NDUFA9: variants seen among roughly 807,000 people sequenced by gnomAD.
NDUFA9 encodes the protein NADH dehydrogenase [ubiquinone] 1 alpha subcomplex subunit 9, mitochondrial.
Under a neutral mutation model 45.9 loss-of-function variants are expected in NDUFA9, and 23 were observed. The observed-to-expected ratio is 0.50, with a 90% CI of 0.36 to 0.71. The LOEUF (loss-of-function observed/expected upper bound fraction) is 0.71, where lower values mean the gene tolerates loss of function less well. NDUFA9 is among the 30% of genes least tolerant of loss of function. NDUFA9 has a pLI of 0.00. For synonymous variants in NDUFA9, 176 were observed against 170.5 expected, an observed-to-expected ratio of 1.03 and a Z score of -0.25; for missense variants, 466 against 488.2, an observed-to-expected ratio of 0.95 and a Z score of 0.43.
intron 8 of NDUFA9, among the ~76,000 whole-genome samples, chr12:4,675,309 C>T (rs1303064175): frequency 6.6e-6 from 1 of 151,980 alleles, no homozygotes; most frequent in Non-Finnish European, 1.5e-5. Flanking sequence ...CAAGAAATAG[C>T]TAAGATCAGA....
At chr12:4,673,103 AC>A (rs1945897442) in intron 8 of NDUFA9, among the ~76,000 whole-genome samples, 2 of 152,158 alleles carry the variant, frequency 1.3e-5, no homozygotes, top group South Asian at 4.1e-4. Context: ...TCTGGTGTGG[AC>A]CTCCAGCAGA....
intron 5 of NDUFA9, among the ~76,000 whole-genome samples, chr12:4,660,602 G>A (rs936945045): frequency 1.3e-5 from 2 of 152,132 alleles, no homozygotes; most frequent in African/African-American, 2.4e-5. Flanking sequence ...TAATCTGGTA[G>A]AGAAGGAGGC....
intron 8 of NDUFA9, among the ~76,000 whole-genome samples, chr12:4,675,841 G>A (rs1945916439): frequency 6.6e-6 from 1 of 152,088 alleles, no homozygotes; most frequent in Non-Finnish European, 1.5e-5. Flanking sequence ...ACCAAAACCT[G>A]GCAGAGACAG....
chr12:4,677,435 G>T (rs1201755252), intron 8 of NDUFA9, among the ~76,000 whole-genome samples: 1 of 152,116 alleles, frequency 6.6e-6, no homozygotes, highest in East Asian at 1.9e-4. Flanking sequence ...AATCTACAAA[G>T]AACTTAAACA....
At chr12:4,651,519 A>G (rs369643340) in intron 1 of NDUFA9, among the ~76,000 whole-genome samples, 29 of 152,226 alleles carry the variant, frequency 1.9e-4, no homozygotes, top group Middle Eastern at 3.4e-3. Context: ...AAAAAAAAAC[A>G]ATAGCCATGT....
At chr12:4,668,111 A>C (rs936679440) in intron 6 of NDUFA9, among the ~76,000 whole-genome samples, 1 of 152,190 alleles carries the variant, frequency 6.6e-6, no homozygotes, top group Non-Finnish European at 1.5e-5. Flanking sequence ...TCAACAGATG[A>C]GTATCATAAG....
At chr12:4,669,636 C>T in intron 7 of NDUFA9, 105 bp from the exon 8 acceptor site, 3 of 700,652 alleles carry the variant, frequency 4.3e-6, no homozygotes, top group Non-Finnish European at 7.2e-6. Flanking sequence ...TTTCTCCTTC[C>T]TTCCTTCCTT....
At chr12:4,657,905 G>A (rs999032534) in intron 4 of NDUFA9, 66 bp downstream of exon 4, 148 of 1,269,458 alleles carry the variant, frequency 1.2e-4, no homozygotes, top group Non-Finnish European at 1.7e-4. Context: ...ACCTTCGCTG[G>A]GCACCTTTTA....
chr12:4,685,865 A>T (rs1945983105), intron 10 of NDUFA9, among the ~76,000 whole-genome samples: 1 of 144,602 alleles, frequency 6.9e-6, no homozygotes, highest in African/African-American at 2.5e-5. Flanking sequence ...TCTAGGGAGG[A>T]TGCAAAATAA....
rs1182738253 is a variant in NDUFA9 at position 4,690,832 on chromosome 12, A to G, written c.*3724A>G. ...AAGGATTAGCAAAAACTCCATAGAA[A>G]ACGGATTTTTAAAGCTGCATCTTGA... On this transcript the variant is annotated 3_prime_UTR_variant, in exon 11 of 11. Coordinates refer to ENST00000266544, the MANE Select transcript of NDUFA9 (RefSeq NM_005002.5). 1 of 152,206 alleles carries G rather than the reference A, an allele frequency of 6.6e-6. No homozygotes were observed. The highest frequency in any genetic ancestry group is 1.5e-5 in the Non-Finnish European group (1 of 68,034). The allele number at this position is 152,206 out of a possible 1,614,324, so 9.4% of individuals were successfully genotyped here.
At chr12:4,685,817 A>G (rs1253377374) in intron 10 of NDUFA9, among the ~76,000 whole-genome samples, 2 of 152,306 alleles carry the variant, frequency 1.3e-5, no homozygotes, top group Non-Finnish European at 1.5e-5. Context: ...TCCAATGGTC[A>G]GTTCTCAGAC....
chr12:4,665,482 C>T (rs777666328), intron 6 of NDUFA9, among the ~76,000 whole-genome samples: 1 of 152,172 alleles, frequency 6.6e-6, no homozygotes, highest in Admixed American at 6.5e-5. Context: ...ATAAGCCATC[C>T]ATCAATGGAT....
chr12:4,657,692 G>A (rs1245393391), intron 3 of NDUFA9, 56 bp from the exon 4 acceptor site: 2 of 1,290,226 alleles, frequency 1.6e-6, no homozygotes, highest in Non-Finnish European at 2.2e-6. Flanking sequence ...CTGCAGAAGT[G>A]TTGAGTGCTG....
At chr12:4,655,088 A>G (rs182179080) in intron 3 of NDUFA9, 166 bp downstream of exon 3, 101 of 576,102 alleles carry the variant, frequency 1.8e-4, no homozygotes, top group Non-Finnish European at 2.6e-4. Flanking sequence ...CTCCTTTGTC[A>G]TGCAAGCTCT....
chr12:4,653,955 G>A (rs1308820560), intron 1 of NDUFA9, among the ~76,000 whole-genome samples: 1 of 151,728 alleles, frequency 6.6e-6, no homozygotes, highest in Non-Finnish European at 1.5e-5. Flanking sequence ...CTTCCTCATG[G>A]TAATGTGATT....
chr12:4,649,588 C>T (rs1370423415), intron 1 of NDUFA9, among the ~76,000 whole-genome samples: 2 of 152,120 alleles, frequency 1.3e-5, no homozygotes, highest in Non-Finnish European at 2.9e-5. Flanking sequence ...TGTGCAAACC[C>T]TTAATGGGTC....
At position 4,689,292 on chromosome 12, in the gene NDUFA9, A is replaced by AT. The variant is rs1946005704; in HGVS notation, c.*2190dup. 8.4e-6 allele frequency: 1 copy of AT among 119,702 alleles called. No individual in the cohort carries two copies. Among genetic ancestry groups the AT allele is most frequent in the Admixed American group, 7.9e-5 (1 of 12,582 alleles). The allele number at this position is 119,702 out of a possible 1,614,324, so 7.4% of individuals were successfully genotyped here. A position where few individuals can be genotyped will look rare whatever the true frequency, so the allele number is the denominator to read the frequency against. ...TCTCAGGATGCTGTATATTTCTTTTATTTTTTATTTTTTATTTTTTTATTT... is the reference window on the plus strand; with the variant it reads ...TCTCAGGATGCTGTATATTTCTTTTATTTTTTTATTTTTTATTTTTTTATTT... On this transcript the variant is annotated 3_prime_UTR_variant, in exon 11 of 11. Coordinates refer to ENST00000266544, the MANE Select transcript of NDUFA9 (RefSeq NM_005002.5).
chr12:4,660,160 G>A (rs182773556), intron 5 of NDUFA9, among the ~76,000 whole-genome samples: 1 of 152,300 alleles, frequency 6.6e-6, no homozygotes, highest in Non-Finnish European at 1.5e-5. Flanking sequence ...GGACTAGGCT[G>A]TAGGGCAGTG....
At chr12:4,670,476 G>C (rs1414759087) in intron 8 of NDUFA9, among the ~76,000 whole-genome samples, 2 of 152,194 alleles carry the variant, frequency 1.3e-5, no homozygotes, top group South Asian at 4.1e-4. Context: ...AAGCAAACTA[G>C]TGACACTTGA....
Sources: gnomAD v4.1 joint callset for allele counts (sites outside exome capture counted in the v4.1 genomes callset) on GRCh38, gnomAD v4.1.1 for gene constraint, MANE v1.5 for transcripts, NCBI Gene and HGNC (gene_info 2026-07-23, HGNC 2026-07-21) for gene names.